MCF2L2: variants seen among roughly 807,000 people sequenced by gnomAD.
MCF2L2 encodes the protein probable guanine nucleotide exchange factor MCF2L2.
MCF2L2 carries 102 observed loss-of-function variants against 150.2 expected under a neutral mutation model. That is an observed-to-expected ratio of 0.68 (90% CI 0.58 to 0.80). The LOEUF is 0.80. Among genes scored for constraint, MCF2L2 ranks in the 30% least tolerant of loss-of-function variants. The probability of loss-of-function intolerance (pLI) is 0.00; values close to 1 mark genes in which losing one functional copy is unlikely to be tolerated. For missense variants in MCF2L2, 1,256 were observed against 1,372.8 expected, an observed-to-expected ratio of 0.91 and a Z score of 1.34; for synonymous variants, 465 against 491.3, an observed-to-expected ratio of 0.95 and a Z score of 0.71.
At chr3:183,185,730 G>A (rs1168050337) in intron 27 of MCF2L2, among the ~76,000 whole-genome samples, 1 of 152,132 alleles carries the variant, frequency 6.6e-6, no homozygotes, top group Admixed American at 6.6e-5. Context: ...TACTAGGCTC[G>A]GTTACAATAT....
Position 183,404,251 on chromosome 3 carries a change from A to G in MCF2L2, c.77-14472T>C, listed in dbSNP as rs533795162. Among the ~76,000 whole-genome samples, 3 of 152,362 alleles carry G rather than the reference A, an allele frequency of 2.0e-5. No individual in the cohort carries two copies. In the South Asian group the frequency reaches 6.2e-4, roughly 32 times the overall value. On this transcript the variant is annotated intron_variant, in intron 1 of 29. Transcript: ENST00000328913. ...AATTTTTTAAAATTCATTAAAATGA[A>G]TACAATAACACATTTATCTATCAAA... is the stretch of plus-strand genomic sequence containing the variant.
In MCF2L2 at chr3:183,339,418, G is replaced by A. The variant is rs1730614690; in HGVS notation, c.367-499C>T. 2.6e-5 allele frequency among the ~76,000 whole-genome samples: 4 copies of A among 151,914 alleles called. No homozygotes were observed. The South Asian group carries it at 8.3e-4, about 32-fold the overall frequency. ...TTCTTTGGAAATATTATTTTTTACG[G>A]GTGTACAATTTATTTAACCAATCCC... On this transcript the variant is annotated intron_variant, in intron 4 of 29. Transcript: ENST00000328913.
chr3:183,389,940 G>C (rs1379372642), intron 1 of MCF2L2, among the ~76,000 whole-genome samples, 161 bp from the exon 2 acceptor site: 1 of 152,170 alleles, frequency 6.6e-6, no homozygotes, highest in Non-Finnish European at 1.5e-5. Flanking sequence ...TGAGATCCAG[G>C]GCTGTATCTG....
At chr3:183,184,805 T>C (rs144368498) in intron 27 of MCF2L2, among the ~76,000 whole-genome samples, 3 of 152,324 alleles carry the variant, frequency 2.0e-5, no homozygotes, top group East Asian at 1.9e-4. Context: ...AAAGAGACCA[T>C]TGTAGATCCT....
At chr3:183,359,039 T>A (rs1216354208) in intron 3 of MCF2L2, among the ~76,000 whole-genome samples, 1 of 151,216 alleles carries the variant, frequency 6.6e-6, no homozygotes, top group African/African-American at 2.4e-5. Context: ...AAATTCTAAA[T>A]CTTTACTGAA....
intron 15 of MCF2L2, among the ~76,000 whole-genome samples, chr3:183,247,778 T>A (rs998513899): frequency 2.0e-5 from 3 of 152,218 alleles, no homozygotes; most frequent in African/African-American, 7.2e-5. Flanking sequence ...CCAGAGATTA[T>A]TTAAAACATA....
At chr3:183,216,572 ATATATATATTTTTTTTTTTTTTTTTT>A (rs1328703097) in intron 21 of MCF2L2, among the ~76,000 whole-genome samples, 4,414 of 19,022 alleles carry the variant, frequency 0.23, 243 homozygotes, top group South Asian at 0.3. Context: ...ATATATATAT[ATATATATATTTTTTTTTTTTTTTTTT>A]TTTTTTTTTT....
At chr3:183,232,424 A>G (rs1190435753) in intron 15 of MCF2L2, among the ~76,000 whole-genome samples, 2 of 152,234 alleles carry the variant, frequency 1.3e-5, no homozygotes, top group Non-Finnish European at 2.9e-5. Flanking sequence ...AAACCAGTAG[A>G]AAGAGTAAGG....
At position 183,314,778 on chromosome 3, in the gene MCF2L2, C is replaced by T. The variant is rs6443865; in HGVS notation, c.754-3006G>A. 6.6e-4 allele frequency among the ~76,000 whole-genome samples: 98 copies of T among 148,454 alleles called. No homozygotes were observed. The East Asian group carries it at 0.01, about 16-fold the overall frequency. ...TCCAGCTGGAAAAGAAATTATTTGA[C>T]GACATATAGAATCTTTGATTAAAAG... On this transcript the variant is annotated intron_variant, in intron 7 of 29. Coordinates refer to ENST00000328913, the MANE Select transcript of MCF2L2 (RefSeq NM_015078.4).
At position 183,403,354 on chromosome 3, in the gene MCF2L2, C is replaced by A. The variant is rs1577128141; in HGVS notation, c.77-13575G>T. Reference sequence around the variant, plus strand: ...GCGCTCACCGTTTGTGGAAAGAAGTCAAAAATAATGACGACTTGTGATAAG... The same window carrying A: ...GCGCTCACCGTTTGTGGAAAGAAGTAAAAAATAATGACGACTTGTGATAAG... On this transcript the variant is annotated intron_variant, in intron 1 of 29. Coordinates refer to ENST00000328913, the MANE Select transcript of MCF2L2 (RefSeq NM_015078.4). Among the ~76,000 whole-genome samples the A allele has an allele frequency of 2.6e-5, 4 of 152,206 alleles. No individual in the cohort carries two copies. In the South Asian group the frequency reaches 6.2e-4, roughly 24 times the overall value.
chr3:183,278,995 C>A (rs1238350940), intron 14 of MCF2L2, among the ~76,000 whole-genome samples: 1 of 152,148 alleles, frequency 6.6e-6, no homozygotes, highest in Non-Finnish European at 1.5e-5. Context: ...GAATATAACA[C>A]TGGTGCCATT....
chr3:183,328,189 A>G (rs940377028), intron 5 of MCF2L2, among the ~76,000 whole-genome samples: 1 of 152,194 alleles, frequency 6.6e-6, no homozygotes, highest in Non-Finnish European at 1.5e-5. Flanking sequence ...TGTGCACCCC[A>G]CACACCTTGC....
intron 27 of MCF2L2, among the ~76,000 whole-genome samples, chr3:183,188,653 A>G (rs752240745): frequency 6.6e-5 from 10 of 152,136 alleles, no homozygotes; most frequent in Non-Finnish European, 1.2e-4. Flanking sequence ...CTCTTTTGCC[A>G]TACTGAGTCC....
chr3:183,208,659 C>A (rs1426826766), intron 22 of MCF2L2, among the ~76,000 whole-genome samples: 2 of 152,168 alleles, frequency 1.3e-5, no homozygotes, highest in Non-Finnish European at 2.9e-5. Flanking sequence ...GATAAGAATT[C>A]ATTTCCCTGA....
chr3:183,329,992 T>C (rs1730201581), intron 5 of MCF2L2, among the ~76,000 whole-genome samples: 1 of 151,844 alleles, frequency 6.6e-6, no homozygotes, highest in Non-Finnish European at 1.5e-5. Context: ...CCCAACACTT[T>C]GGGAGGCTGA....
chr3:183,238,995 CAAAAAAAAAAAAA>C (rs60736939), intron 15 of MCF2L2, among the ~76,000 whole-genome samples: 1 of 88,866 alleles, frequency 1.1e-5, no homozygotes, highest in Non-Finnish European at 2.5e-5. Context: ...ATATCCGTCT[CAAAAAAAAAAAAA>C]AAAAAAAAAA....
chr3:183,380,716 C>T (rs931179538), intron 2 of MCF2L2, among the ~76,000 whole-genome samples: 6 of 152,142 alleles, frequency 3.9e-5, no homozygotes, highest in African/African-American at 1.4e-4. Context: ...TAGTTCCCAA[C>T]TTCAACATCA....
chr3:183,409,738 T>C (rs996146968), intron 1 of MCF2L2, among the ~76,000 whole-genome samples: 4 of 152,024 alleles, frequency 2.6e-5, no homozygotes, highest in African/African-American at 9.7e-5. Context: ...TATTTTGTAG[T>C]AGAGGCGAGG....
chr3:183,315,637 C>T (rs1729574339), intron 7 of MCF2L2, among the ~76,000 whole-genome samples: 1 of 152,204 alleles, frequency 6.6e-6, no homozygotes, highest in Admixed American at 6.5e-5. Context: ...TGTTTTAATT[C>T]TGAGAACAGC....
Sources: gnomAD v4.1 joint callset for allele counts (sites outside exome capture counted in the v4.1 genomes callset) on GRCh38, gnomAD v4.1.1 for gene constraint, MANE v1.5 for transcripts, NCBI Gene and HGNC (gene_info 2026-07-23, HGNC 2026-07-21) for gene names.